The following CPQ variants were observed in gnomAD, a reference collection of about 807,000 sequenced individuals.
The protein encoded by CPQ is Ser-Met dipeptidase.
CPQ carries 37 observed loss-of-function variants against 45.7 expected under a neutral mutation model. The observed-to-expected ratio is 0.81, with a 90% CI of 0.62 to 1.07. The LOEUF is 1.07. Among genes scored for constraint, CPQ ranks in the 50% least tolerant of loss-of-function variants. CPQ has a pLI of 0.00. For synonymous variants in CPQ, 186 were observed against 205.8 expected (o/e 0.90, Z 0.82); for missense variants, 537 against 572.9 (o/e 0.94, Z 0.64).
intron 1 of CPQ, among the ~76,000 whole-genome samples, chr8:96,673,176 C>T (rs1458350247): frequency 1.3e-5 from 2 of 152,062 alleles, no homozygotes; most frequent in Admixed American, 1.3e-4. Context: ...AAAACACACA[C>T]AAAGCAATGA....
At chr8:96,692,138 T>C (rs1255756324) in intron 1 of CPQ, among the ~76,000 whole-genome samples, 1 of 152,156 alleles carries the variant, frequency 6.6e-6, no homozygotes, top group South Asian at 2.1e-4. Flanking sequence ...AAGGGTATTC[T>C]AGAAAGGAGA....
intron 1 of CPQ, among the ~76,000 whole-genome samples, chr8:96,763,449 G>T (rs1290984620): frequency 2.0e-5 from 3 of 152,034 alleles, no homozygotes; most frequent in Non-Finnish European, 4.4e-5. Flanking sequence ...TGAACTATTT[G>T]TCTATCTTTG....
At chr8:97,022,918 A>T (rs1414875288) in intron 5 of CPQ, among the ~76,000 whole-genome samples, 1 of 120,836 alleles carries the variant, frequency 8.3e-6, no homozygotes, top group Admixed American at 9.4e-5. Context: ...AATGAAAAAG[A>T]TACTTGCACA....
At chr8:97,054,446 A>G (rs1810417344) in intron 6 of CPQ, among the ~76,000 whole-genome samples, 1 of 152,194 alleles carries the variant, frequency 6.6e-6, no homozygotes, top group South Asian at 2.1e-4. Context: ...AAAAGAAGTC[A>G]TTATATCAAA....
At chr8:96,829,254 T>C (rs1811415421) in intron 2 of CPQ, among the ~76,000 whole-genome samples, 1 of 152,092 alleles carries the variant, frequency 6.6e-6, no homozygotes, top group Non-Finnish European at 1.5e-5. Flanking sequence ...CAGTGGGGTC[T>C]GGGCTCTCTC....
At chr8:96,752,671 A>G (rs1333176314) in intron 1 of CPQ, among the ~76,000 whole-genome samples, 1 of 152,166 alleles carries the variant, frequency 6.6e-6, no homozygotes, top group African/African-American at 2.4e-5. Context: ...TATGTTGAAC[A>G]GGAGTGGTGA....
At chr8:96,840,970 C>A (rs1228884518) in intron 3 of CPQ, among the ~76,000 whole-genome samples, 1 of 152,154 alleles carries the variant, frequency 6.6e-6, no homozygotes, top group Non-Finnish European at 1.5e-5. Context: ...GCAGATTAGC[C>A]ATCAAATTCT....
intron 5 of CPQ, among the ~76,000 whole-genome samples, chr8:96,990,530 G>A (rs1022161099): frequency 2.6e-5 from 4 of 152,180 alleles, no homozygotes; most frequent in Non-Finnish European, 5.9e-5. Context: ...TAGGCACACA[G>A]AACTCAAATG....
At chr8:96,827,362 C>G (rs1001723974) in intron 2 of CPQ, among the ~76,000 whole-genome samples, 10 of 151,976 alleles carry the variant, frequency 6.6e-5, no homozygotes, top group Non-Finnish European at 1.3e-4. Context: ...ACCCATGGAG[C>G]CTACTCCACT....
At chr8:96,926,652 TCTC>T (rs1376124294) in intron 4 of CPQ, among the ~76,000 whole-genome samples, 17 of 145,296 alleles carry the variant, frequency 1.2e-4, no homozygotes, top group African/African-American at 4.1e-4. Flanking sequence ...TTCTTCTCCT[TCTC>T]CTTCTCCCTA....
chr8:96,650,323 A>G (rs1035846014), intron 1 of CPQ, among the ~76,000 whole-genome samples: 1 of 152,260 alleles, frequency 6.6e-6, no homozygotes, highest in African/African-American at 2.4e-5. Flanking sequence ...CAGGTGTTAA[A>G]GAAAAAGGCA....
chr8:96,753,675 A>G (rs1304877520), intron 1 of CPQ, among the ~76,000 whole-genome samples: 1 of 151,982 alleles, frequency 6.6e-6, no homozygotes, highest in Non-Finnish European at 1.5e-5. Context: ...GAGTATTATT[A>G]TTGATTTTGG....
intron 7 of CPQ, among the ~76,000 whole-genome samples, chr8:97,114,214 G>C (rs1811545686): frequency 6.6e-6 from 1 of 152,126 alleles, no homozygotes; most frequent in East Asian, 1.9e-4. Flanking sequence ...GGAAACCAGG[G>C]GTATGTTTCA....
At chr8:96,879,152 G>C (rs1218013790) in intron 3 of CPQ, among the ~76,000 whole-genome samples, 1 of 152,166 alleles carries the variant, frequency 6.6e-6, no homozygotes, top group Non-Finnish European at 1.5e-5. Context: ...TGACCAGTTG[G>C]GATGGTATTT....
chr8:96,981,768 A>T (rs1045508432), intron 5 of CPQ, among the ~76,000 whole-genome samples: 1 of 152,218 alleles, frequency 6.6e-6, no homozygotes, highest in African/African-American at 2.4e-5. Flanking sequence ...CATTTTTATA[A>T]TCTATAAACA....
At chr8:96,834,577 A>G (rs1811501509) in intron 2 of CPQ, among the ~76,000 whole-genome samples, 1 of 152,212 alleles carries the variant, frequency 6.6e-6, no homozygotes, top group Non-Finnish European at 1.5e-5. Context: ...TAAAAAGATT[A>G]ATATGTGTTT....
intron 5 of CPQ, among the ~76,000 whole-genome samples, chr8:96,980,887 C>T (rs1290861177): frequency 2.0e-5 from 3 of 152,174 alleles, no homozygotes; most frequent in Non-Finnish European, 2.9e-5. Flanking sequence ...GTTATGCAGA[C>T]TTAACACTCT....
At chr8:96,972,625 G>C (rs1007768700) in intron 5 of CPQ, among the ~76,000 whole-genome samples, 1 of 152,222 alleles carries the variant, frequency 6.6e-6, no homozygotes, top group African/African-American at 2.4e-5. Context: ...CCCTCGCAGA[G>C]ACGACTTCAC....
intron 4 of CPQ, among the ~76,000 whole-genome samples, chr8:96,931,454 A>G (rs1169286978): frequency 6.6e-6 from 1 of 152,082 alleles, no homozygotes; most frequent in Non-Finnish European, 1.5e-5. Flanking sequence ...ATAGTCCCAC[A>G]CTTTCTTTTG....
Sources: gnomAD v4.1 joint callset for allele counts (sites outside exome capture counted in the v4.1 genomes callset) on GRCh38, gnomAD v4.1.1 for gene constraint, MANE v1.5 for transcripts, NCBI Gene and HGNC (gene_info 2026-07-23, HGNC 2026-07-21) for gene names.